The following PGCKA1 variants were observed in gnomAD, a reference collection of about 807,000 sequenced individuals.
PGCKA1 encodes PDCD10 and GCKIII kinases associated 1, also known as PDCD10 and GCKIII kinases-associated protein 1.
the PGCKA1 span, among the ~76,000 whole-genome samples, chr4:37,468,205 C>T: frequency 2.3e-4 from 35 of 152,158 alleles, no homozygotes; most frequent in Admixed American, 7.9e-4. Context: ...CTCATAGGTC[C>T]TTTTCACACA....
chr4:37,582,217 G>A, the PGCKA1 span, among the ~76,000 whole-genome samples: 1 of 152,050 alleles, frequency 6.6e-6, no homozygotes, highest in African/African-American at 2.4e-5. Context: ...TTAAAACCAG[G>A]TACACTGATT....
At chr4:37,464,559 G>C in the PGCKA1 span, among the ~76,000 whole-genome samples, 1 of 152,286 alleles carries the variant, frequency 6.6e-6, no homozygotes, top group East Asian at 1.9e-4. Context: ...ATCTGGACTA[G>C]AGCAGAATGG....
chr4:37,535,888 T>C, the PGCKA1 span, among the ~76,000 whole-genome samples: 4 of 152,136 alleles, frequency 2.6e-5, no homozygotes, highest in Non-Finnish European at 4.4e-5. Context: ...TACCAGTTGC[T>C]AGCTAGAGGA....
chr4:37,527,842 T>A, the PGCKA1 span, among the ~76,000 whole-genome samples: 4 of 141,762 alleles, frequency 2.8e-5, no homozygotes, highest in African/African-American at 8.2e-5. Flanking sequence ...AAAAAAAAAA[T>A]ACTTTTATGT....
chr4:37,453,612 C>G, the PGCKA1 span, among the ~76,000 whole-genome samples: 1 of 152,188 alleles, frequency 6.6e-6, no homozygotes, highest in East Asian at 1.9e-4. Flanking sequence ...GTCCCTTGAT[C>G]ATAGGAAGCT....
the PGCKA1 span, among the ~76,000 whole-genome samples, chr4:37,565,569 C>A: frequency 6.6e-6 from 1 of 152,160 alleles, no homozygotes; most frequent in Non-Finnish European, 1.5e-5. Context: ...AGAGACCAAC[C>A]CAGATGGAGT....
At chr4:37,478,149 C>CGG in the PGCKA1 span, among the ~76,000 whole-genome samples, 6,875 of 111,606 alleles carry the variant, frequency 0.062, 288 homozygotes, top group Admixed American at 0.089. Flanking sequence ...AACACCCCCC[C>CGG]CCACCGCCAC....
the PGCKA1 span, among the ~76,000 whole-genome samples, chr4:37,462,116 A>G: frequency 2.0e-5 from 3 of 150,674 alleles, no homozygotes; most frequent in Admixed American, 1.3e-4. Flanking sequence ...AGCTTTTGCT[A>G]AGAGGTAATT....
chr4:37,522,614 C>A, the PGCKA1 span, among the ~76,000 whole-genome samples: 3 of 149,144 alleles, frequency 2.0e-5, no homozygotes, highest in Non-Finnish European at 3.0e-5. Context: ...ATCTCAGAGG[C>A]TCACCCAAGG....
chr4:37,481,017 G>A, the PGCKA1 span, among the ~76,000 whole-genome samples: 2 of 152,178 alleles, frequency 1.3e-5, no homozygotes, highest in Non-Finnish European at 2.9e-5. Flanking sequence ...GCTCTGAGGA[G>A]TCCTACAGCA....
At chr4:37,547,390 G>T in the PGCKA1 span, among the ~76,000 whole-genome samples, 2 of 152,174 alleles carry the variant, frequency 1.3e-5, no homozygotes, top group African/African-American at 4.8e-5. Flanking sequence ...GTTTTGTGGT[G>T]TGCATGTGGT....
chr4:37,456,377 C>A, the PGCKA1 span, among the ~76,000 whole-genome samples: 1 of 152,176 alleles, frequency 6.6e-6, no homozygotes, highest in Admixed American at 6.5e-5. Flanking sequence ...TAGTTAAAAT[C>A]TTCAGGACTG....
chr4:37,546,642 G>A, the PGCKA1 span, among the ~76,000 whole-genome samples: 2 of 152,220 alleles, frequency 1.3e-5, no homozygotes, highest in African/African-American at 2.4e-5. Flanking sequence ...GTGTCTGAGA[G>A]GTTTTCCCTG....
chr4:37,590,830 G>C, the PGCKA1 span: 3 of 1,614,216 alleles, frequency 1.9e-6, no homozygotes, highest in Admixed American at 5.0e-5. Flanking sequence ...TAATGAGAAG[G>C]GTCCTGTTCA....
the PGCKA1 span, among the ~76,000 whole-genome samples, chr4:37,499,918 C>CTTTTTTTTTTTTTT: frequency 1.3e-5 from 1 of 79,258 alleles, no homozygotes; most frequent in Non-Finnish European, 2.2e-5. Context: ...GTCTTCCTAA[C>CTTTTTTTTTTTTTT]TTTTTTTTTT....
the PGCKA1 span, among the ~76,000 whole-genome samples, chr4:37,561,591 T>C: frequency 6.6e-6 from 1 of 152,012 alleles, no homozygotes; most frequent in Non-Finnish European, 1.5e-5. Flanking sequence ...GAAAGCTGTG[T>C]ATGAGATAGA....
the PGCKA1 span, among the ~76,000 whole-genome samples, chr4:37,548,318 G>T: frequency 6.6e-6 from 1 of 152,090 alleles, no homozygotes; most frequent in African/African-American, 2.4e-5. Context: ...GGAGGCATAA[G>T]AATGTGGATT....
the PGCKA1 span, among the ~76,000 whole-genome samples, chr4:37,510,396 C>T: frequency 4.1e-4 from 63 of 152,236 alleles, no homozygotes; most frequent in South Asian, 3.7e-3. Context: ...GATGCCGTGA[C>T]CTAATCCATA....
chr4:37,535,662 G>A, the PGCKA1 span, among the ~76,000 whole-genome samples: 1 of 152,200 alleles, frequency 6.6e-6, no homozygotes, highest in Non-Finnish European at 1.5e-5. Flanking sequence ...GTAAAGAACT[G>A]AAAATCGCTA....
Sources: allele counts gnomAD v4.1 joint callset (sites outside exome capture counted in the v4.1 genomes callset), GRCh38; gene constraint gnomAD v4.1.1; transcripts MANE v1.5; gene names NCBI Gene and HGNC (gene_info 2026-07-23, HGNC 2026-07-21).